RBFOX1: variants seen among roughly 807,000 people sequenced by gnomAD.
The protein encoded by RBFOX1 is RNA binding fox-1 homolog 1.
In RBFOX1, 8 loss-of-function variants were observed where a neutral mutation model predicts 57.7. The observed-to-expected ratio is 0.14, with a 90% confidence interval of 0.08 to 0.25. RBFOX1 has a LOEUF of 0.25. Among genes scored for constraint, RBFOX1 ranks in the 10% least tolerant of loss-of-function variants. The pLI is 1.00. For synonymous variants in RBFOX1, 326 were observed against 222.4 expected (o/e 1.47, Z -4.15); for missense variants, 611 against 548.5 (o/e 1.11, Z -1.14).
At chr16:7,258,977 A>G (rs757596609) in intron 4 of RBFOX1, among the ~76,000 whole-genome samples, 20 of 152,304 alleles carry the variant, frequency 1.3e-4, no homozygotes, top group Middle Eastern at 3.4e-3. Flanking sequence ...CATATTGCAT[A>G]CCTTTCCAAG....
At chr16:7,176,641 A>T (rs2081713133) in intron 4 of RBFOX1, among the ~76,000 whole-genome samples, 1 of 152,304 alleles carries the variant, frequency 6.6e-6, no homozygotes, top group Middle Eastern at 3.4e-3. Context: ...GCAAAGCCTG[A>T]AATATTTAAT....
chr16:5,365,095 C>T (rs553998829), intron 1 of RBFOX1, among the ~76,000 whole-genome samples: 1 of 152,170 alleles, frequency 6.6e-6, no homozygotes, highest in African/African-American at 2.4e-5. Context: ...TTTTAATGAC[C>T]TACTTACTGC....
intron 12 of RBFOX1, among the ~76,000 whole-genome samples, chr16:7,663,182 A>AC (rs1424556014): frequency 6.6e-6 from 1 of 151,806 alleles, no homozygotes; most frequent in African/African-American, 2.4e-5. Flanking sequence ...CTGCCTTCTG[A>AC]CCCCCCAACC....
intron 4 of RBFOX1, among the ~76,000 whole-genome samples, chr16:7,449,962 A>G (rs2098838802): frequency 6.6e-6 from 1 of 152,124 alleles, no homozygotes; most frequent in Non-Finnish European, 1.5e-5. Flanking sequence ...CAGTAGAAGG[A>G]TGGCGAAACA....
At chr16:6,695,844 G>C (rs990971652) in intron 3 of RBFOX1, among the ~76,000 whole-genome samples, 5 of 152,146 alleles carry the variant, frequency 3.3e-5, no homozygotes, top group African/African-American at 1.2e-4. Context: ...TTCCCTGCTG[G>C]AAATCCAGGT....
chr16:7,071,587 ATGTGTGTG>A (rs60039723), intron 4 of RBFOX1, among the ~76,000 whole-genome samples: 1,760 of 147,654 alleles, frequency 0.012, 32 homozygotes, highest in African/African-American at 0.038. Context: ...TTGCCCAGAT[ATGTGTGTG>A]TGTGTGTGTG....
At chr16:7,458,784 C>T (rs1417343734) in intron 4 of RBFOX1, among the ~76,000 whole-genome samples, 1 of 152,194 alleles carries the variant, frequency 6.6e-6, no homozygotes. Context: ...CAGACCCCCT[C>T]TTCACTCCCA....
chr16:5,393,328 T>C (rs1467259444), intron 1 of RBFOX1, among the ~76,000 whole-genome samples: 1 of 152,228 alleles, frequency 6.6e-6, no homozygotes. Flanking sequence ...TCAAGCCGAA[T>C]ACTTGGCAGC....
chr16:5,516,739 C>G (rs2043806637), intron 2 of RBFOX1, among the ~76,000 whole-genome samples: 1 of 152,022 alleles, frequency 6.6e-6, no homozygotes, highest in Non-Finnish European at 1.5e-5. Context: ...GCATGCTGTT[C>G]TCGAGATAGT....
chr16:6,708,232 T>C (rs908851469), intron 3 of RBFOX1, among the ~76,000 whole-genome samples: 1 of 152,066 alleles, frequency 6.6e-6, no homozygotes, highest in Non-Finnish European at 1.5e-5. Context: ...TGGTCACTCT[T>C]ATTTATTATG....
chr16:6,611,645 C>T (rs1218911950), intron 2 of RBFOX1, among the ~76,000 whole-genome samples: 1 of 152,218 alleles, frequency 6.6e-6, no homozygotes, highest in African/African-American at 2.4e-5. Flanking sequence ...AGCTTTCTTT[C>T]TCCTTTCTTT....
In RBFOX1 at chr16:5,424,986, T is replaced by TC. The variant is rs1221818702; in HGVS notation, c.220-42230_220-42229insC. ...TTTCTCTTTCTTTCTTTCTTTTCTTTTCTTTTCTTTTCTTTTCTTTTCTTT... is the reference window on the plus strand; with the variant it reads ...TTTCTCTTTCTTTCTTTCTTTTCTTTCTCTTTTCTTTTCTTTTCTTTTCTTT... On this transcript the variant is annotated intron_variant, in intron 1 of 2. Transcript: ENST00000585867. 8.0e-4 allele frequency among the ~76,000 whole-genome samples: 32 copies of TC among 39,912 alleles called. 1 individual carries two copies. Among genetic ancestry groups the TC allele is most frequent in the East Asian group, 2.6e-3 (2 of 782 alleles). 26.2% of individuals were successfully genotyped at this position (39,912 alleles called of 152,430 possible). A position where few individuals can be genotyped will look rare whatever the true frequency, so the allele number is the denominator to read the frequency against.
At chr16:7,329,185 C>T (rs976997739) in intron 4 of RBFOX1, among the ~76,000 whole-genome samples, 3 of 152,244 alleles carry the variant, frequency 2.0e-5, no homozygotes, top group East Asian at 3.9e-4. Context: ...AAACATTTAC[C>T]ATTCCCTGCC....
At chr16:5,495,524 C>G (rs1245321864) in intron 2 of RBFOX1, among the ~76,000 whole-genome samples, 3 of 152,190 alleles carry the variant, frequency 2.0e-5, no homozygotes, top group African/African-American at 7.2e-5. Context: ...AGAGCCAATC[C>G]ATATCAACTA....
intron 2 of RBFOX1, among the ~76,000 whole-genome samples, chr16:6,610,828 C>T (rs1209743890): frequency 2.0e-5 from 3 of 152,266 alleles, no homozygotes; most frequent in African/African-American, 7.2e-5. Flanking sequence ...ATGTTCTGGG[C>T]ATACATACCA....
At chr16:6,238,480 G>T (rs1046580839) in intron 1 of RBFOX1, among the ~76,000 whole-genome samples, 32 of 152,292 alleles carry the variant, frequency 2.1e-4, no homozygotes, top group African/African-American at 7.5e-4. Flanking sequence ...CAAAATAACA[G>T]ATTTTATGGT....
At chr16:6,840,878 ACT>A (rs996743261) in intron 3 of RBFOX1, among the ~76,000 whole-genome samples, 4 of 118,358 alleles carry the variant, frequency 3.4e-5, no homozygotes, top group East Asian at 2.6e-4. Context: ...CGAAAGTGAG[ACT>A]CTGTCTCAAA....
chr16:6,405,739 C>T (rs1375114989), intron 2 of RBFOX1, among the ~76,000 whole-genome samples: 1 of 152,138 alleles, frequency 6.6e-6, no homozygotes, highest in Non-Finnish European at 1.5e-5. Context: ...CAGCTGGAGT[C>T]ATTGATTTGG....
At chr16:6,982,393 C>G (rs571766424) in intron 3 of RBFOX1, among the ~76,000 whole-genome samples, 16 of 152,284 alleles carry the variant, frequency 1.1e-4, no homozygotes, top group Admixed American at 6.5e-5. Flanking sequence ...GAATATCATT[C>G]CAGAGTCAGG....
Sources: allele counts gnomAD v4.1 joint callset (sites outside exome capture counted in the v4.1 genomes callset), GRCh38; gene constraint gnomAD v4.1.1; transcripts MANE v1.5; gene names NCBI Gene and HGNC (gene_info 2026-07-23, HGNC 2026-07-21).